Variants in ZNF605 observed in about 807,000 individuals in gnomAD.
ZNF605 encodes zinc finger protein 605.
In ZNF605, 9 loss-of-function variants were observed where a neutral mutation model predicts 7.9. The observed-to-expected ratio is 1.14, with a 90% CI of 0.68 to 1.98. The LOEUF is 1.98. Ranked by LOEUF, ZNF605 falls within the 30% of genes most tolerant of loss-of-function variation. The pLI, the probability that ZNF605 is intolerant of heterozygous loss-of-function variation, is 0.00. For missense variants in ZNF605, 673 were observed against 762.4 expected (o/e 0.88, Z 1.38); for synonymous variants, 255 against 260.1 (o/e 0.98, Z 0.19).
Position 132,925,775 on chromosome 12 carries a change from A to C in ZNF605, c.1524T>G (p.Ser508Arg). 6.2e-7 allele frequency: 1 copy of C among 1,614,040 alleles called. No individual in the cohort carries two copies. Residue 508 changes from serine to arginine, a missense_variant, in exon 5 of 5, where the codon AGT becomes AGG. By Grantham distance (110) the Ser-to-Arg change is moderately radical. Coordinates refer to ENST00000360187, the MANE Select transcript of ZNF605 (RefSeq NM_183238.4). ...TCCAGGCAAAAGCTTTCCTACATTC[A>C]CTACATTCAAAGGGCTTTTCTCCAG... The part of the protein sequence containing the change: ...THTGEKPFEC[S>R]ECRKAFAWKP...
In ZNF605 at chr12:132,926,254, T is replaced by A. The variant is rs1377119509; in HGVS notation, c.1045A>T (p.Asn349Tyr). The A allele has an allele frequency of 6.2e-7, 1 of 1,614,120 alleles. No homozygotes were observed. Among genetic ancestry groups the A allele is most frequent in the East Asian group, 2.2e-5 (1 of 44,888 alleles). ...CTCTGATGCCTAATGAGAAGTGAGT[T>A]CCTGCTGAAGGCTTTTTGACACTCA... ...CGECQKAFSR[N>Y]SLLIRHQRIH... Residue 349 changes from asparagine to tyrosine, a missense_variant, in exon 5 of 5, where the codon AAC (asparagine) becomes TAC (tyrosine). Transcript: ENST00000360187.
chr12:132,928,739 T>C lies in ZNF605; in HGVS notation c.137-1577A>G, dbSNP rs1281010691. 4.6e-5 allele frequency among the ~76,000 whole-genome samples: 7 copies of C among 152,308 alleles called. No individual in the cohort carries two copies. In the East Asian group the frequency reaches 1.3e-3, roughly 29 times the overall value. On this transcript the variant is annotated intron_variant, in intron 4 of 4. Transcript: ENST00000360187. The stretch of plus-strand genomic sequence containing the variant: ...AAATATAAAACGAGGCTGGGCCTGG[T>C]GGCAGCTCACAACAACAATCCCAGC...
chr12:132,945,727 A>G lies in ZNF605; in HGVS notation c.-92T>C. On this transcript the variant is annotated 5_prime_UTR_variant, in exon 3 of 5. Transcript: ENST00000360187. ...TCTGGTCAGTGGTCTGTAAACTGAG[A>G]ATACATCCTTGGTCTTGTGGGCTCT... is the stretch of plus-strand genomic sequence containing the variant. The G allele has an allele frequency of 1.3e-6, 2 of 1,572,524 alleles. No individual in the cohort carries two copies. The highest frequency in any genetic ancestry group is 1.8e-6 in the Non-Finnish European group (2 of 1,142,146).
chr12:132,943,142 C>T (rs1357241365), intron 3 of ZNF605, among the ~76,000 whole-genome samples: 3 of 151,894 alleles, frequency 2.0e-5, no homozygotes, highest in African/African-American at 7.3e-5. Flanking sequence ...GTGGGTGGAT[C>T]CCAAGGTCAG....
intron 1 of ZNF605, among the ~76,000 whole-genome samples, chr12:132,950,979 A>G (rs1488736799): frequency 6.6e-6 from 1 of 151,930 alleles, no homozygotes; most frequent in Admixed American, 6.6e-5. Context: ...ACACACTGAT[A>G]CACATGTACA....
intron 1 of ZNF605, among the ~76,000 whole-genome samples, chr12:132,949,456 G>C (rs1251593140): frequency 6.6e-6 from 1 of 152,172 alleles, no homozygotes; most frequent in African/African-American, 2.4e-5. Flanking sequence ...CCTCCGATTT[G>C]CAATTGGCCC....
rs368962132 is a variant in ZNF605 at position 132,956,180 on chromosome 12, G to C, written c.-286+63C>G. 1.3e-3 allele frequency: 200 copies of C among 152,020 alleles called. 4 individuals carry two copies. In the South Asian group the frequency reaches 0.033, roughly 25 times the overall value. 9.4% of individuals were successfully genotyped at this position (152,020 alleles called of 1,614,324 possible). ...CGGGGTCACCGCGATCCCCGGCGCA[G>C]ACACAGAGGCCGCCCCCAGCCCCGC... On this transcript the variant is annotated intron_variant, in intron 1 of 4. Coordinates refer to ENST00000360187, the MANE Select transcript of ZNF605 (RefSeq NM_183238.4).
At position 132,948,917 on chromosome 12, in the gene ZNF605, C is replaced by T. The variant is rs752534763; in HGVS notation, c.-285-647G>A. Among the ~76,000 whole-genome samples the T allele has an allele frequency of 1.7e-4, 26 of 152,174 alleles. 1 individual carries two copies. Among genetic ancestry groups the T allele is most frequent in the South Asian group, 1.7e-3 (8 of 4,832 alleles). On this transcript the variant is annotated intron_variant, in intron 1 of 4. Coordinates refer to ENST00000360187, the MANE Select transcript of ZNF605 (RefSeq NM_183238.4). ...AGGAGGCGGGGACCAGTGTAGCTCA[C>T]GCCTGGCACCTGCGGAAGCAGACAT...
intron 3 of ZNF605, among the ~76,000 whole-genome samples, chr12:132,934,057 G>A (rs1181215279): frequency 6.6e-6 from 1 of 151,922 alleles, no homozygotes; most frequent in African/African-American, 2.4e-5. Context: ...AGGAATTCAA[G>A]ACCAGCCTGG....
intron 3 of ZNF605, among the ~76,000 whole-genome samples, chr12:132,939,503 T>G (rs1231555095): frequency 6.6e-6 from 1 of 152,070 alleles, no homozygotes; most frequent in African/African-American, 2.4e-5. Flanking sequence ...GCTGCTCTGG[T>G]GGGGCCTTGG....
rs966280522 is a variant in ZNF605 at position 132,919,895 on chromosome 12, G to A, written c.*5478C>T. Reference sequence around the variant, plus strand: ...CTTGCTCTGTCACCCAGGCTGGAGTGCAGTGGTGTGATCTCAGCTCACTGC... The same window carrying A: ...CTTGCTCTGTCACCCAGGCTGGAGTACAGTGGTGTGATCTCAGCTCACTGC... On this transcript the variant is annotated 3_prime_UTR_variant, in exon 5 of 5. Transcript: ENST00000360187. 3.9e-5 allele frequency: 6 copies of A among 152,196 alleles called. No homozygotes were observed. In the East Asian group the frequency reaches 1.2e-3, roughly 29 times the overall value. 9.4% of individuals were successfully genotyped at this position (152,196 alleles called of 1,614,324 possible).
At chr12:132,950,963 ACT>A (rs1160085543) in intron 1 of ZNF605, among the ~76,000 whole-genome samples, 4 of 149,056 alleles carry the variant, frequency 2.7e-5, no homozygotes, top group African/African-American at 7.5e-5. Flanking sequence ...GCACACACAC[ACT>A]CAGACACACT....
chr12:132,939,147 C>T (rs1390762692), intron 3 of ZNF605, among the ~76,000 whole-genome samples: 27 of 152,098 alleles, frequency 1.8e-4, no homozygotes, highest in African/African-American at 5.3e-4. Context: ...GAGCGCACAG[C>T]GCAGGACTGG....
rs1177905981 is a variant in ZNF605, at chr12:132,924,033, A to C, written c.*1340T>G. 3 of 152,202 alleles carry C rather than the reference A, an allele frequency of 2.0e-5. No homozygotes were observed. The highest frequency in any genetic ancestry group is 4.8e-5 in the African/African-American group (2 of 41,464). The allele number at this position is 152,202 out of a possible 1,614,324, so 9.4% of individuals were successfully genotyped here. On this transcript the variant is annotated 3_prime_UTR_variant, in exon 5 of 5. Coordinates refer to ENST00000360187, the MANE Select transcript of ZNF605 (RefSeq NM_183238.4). ...AAGTTCCATTTTGGCCAGTAAAAAT[A>C]TCTCTTATACCTCAGGTTTCATCAA...
chr12:132,933,273 G>C lies in ZNF605; in HGVS notation c.16-118C>G. 1 of 1,168,950 alleles carries C rather than the reference G, an allele frequency of 8.6e-7. No homozygotes were observed. Among genetic ancestry groups the C allele is most frequent in the Non-Finnish European group, 1.2e-6 (1 of 847,908 alleles). 72.4% of individuals were successfully genotyped at this position (1,168,950 alleles called of 1,614,324 possible). A position where few individuals can be genotyped will look rare whatever the true frequency, so the allele number is the denominator to read the frequency against. On this transcript the variant is annotated intron_variant, in intron 3 of 4. Transcript: ENST00000360187. The surrounding 1 kb of genome is among the most constrained non-coding windows in gnomAD (Gnocchi z 4.4). ...ATGGCCCCAGTGACCTCTGACTCCGGTATTCATGCTTTTGCATAATCCTCC... is the reference window on the plus strand; with the variant it reads ...ATGGCCCCAGTGACCTCTGACTCCGCTATTCATGCTTTTGCATAATCCTCC...
At chr12:132,939,842 T>C (rs1389242993) in intron 3 of ZNF605, among the ~76,000 whole-genome samples, 1 of 149,034 alleles carries the variant, frequency 6.7e-6, no homozygotes, top group Non-Finnish European at 1.5e-5. Context: ...GCAGCTTCAC[T>C]CCTGAGCCAG....
intron 1 of ZNF605, among the ~76,000 whole-genome samples, chr12:132,951,472 G>GCA (rs142085754): frequency 0.17 from 24,912 of 150,452 alleles, 2,336 homozygotes; most frequent in South Asian, 0.25. Flanking sequence ...AGACATGCAC[G>GCA]CAGATTCATA....
intron 1 of ZNF605, among the ~76,000 whole-genome samples, chr12:132,953,300 G>T (rs1308450079): frequency 6.6e-6 from 1 of 152,178 alleles, no homozygotes; most frequent in African/African-American, 2.4e-5. Context: ...GTTCCCCAGT[G>T]ACCATCCAAC....
chr12:132,955,262 G>A (rs1420965740), intron 1 of ZNF605, among the ~76,000 whole-genome samples: 2 of 152,206 alleles, frequency 1.3e-5, no homozygotes, highest in Admixed American at 1.3e-4. Flanking sequence ...GCCTGGCCAA[G>A]CGAGGTGGAA....
Sources: gnomAD v4.1 joint callset for allele counts (sites outside exome capture counted in the v4.1 genomes callset) on GRCh38, gnomAD v4.1.1 for gene constraint, Gnocchi (gnomAD v3.1) non-coding constraint, MANE v1.5 for transcripts, NCBI Gene and HGNC (gene_info 2026-07-23, HGNC 2026-07-21) for gene names.